Variants in PLRG1 observed in about 807,000 individuals in gnomAD.
The protein encoded by PLRG1 is pleiotropic regulator 1 (PRL1 homolog, Arabidopsis).
Under a neutral mutation model 74.9 loss-of-function variants are expected in PLRG1, and 28 were observed. That is an observed-to-expected ratio of 0.37 (90% CI 0.28 to 0.51). PLRG1 has a LOEUF of 0.51. Among genes scored for constraint, PLRG1 ranks in the 20% least tolerant of loss-of-function variants. The pLI, the probability that PLRG1 is intolerant of heterozygous loss-of-function variation, is 0.91. For missense variants in PLRG1, 445 were observed against 631.9 expected, an observed-to-expected ratio of 0.70 and a Z score of 3.17; for synonymous variants, 197 against 212.4, an observed-to-expected ratio of 0.93 and a Z score of 0.63.
intron 6 of PLRG1, among the ~76,000 whole-genome samples, chr4:154,545,149 T>C (rs751077127): frequency 4.3e-4 from 65 of 152,170 alleles, no homozygotes; most frequent in Non-Finnish European, 5.7e-4. Context: ...GCTTAAATTA[T>C]ACCCTCATAA....
intron 7 of PLRG1, among the ~76,000 whole-genome samples, chr4:154,542,759 T>C (rs1213077437): frequency 6.6e-6 from 1 of 152,178 alleles, no homozygotes; most frequent in African/African-American, 2.4e-5. Context: ...GAAGATACTA[T>C]GTTAAGTGAA....
intron 5 of PLRG1, 42 bp downstream of exon 5, chr4:154,546,081 G>T: frequency 7.9e-7 from 1 of 1,270,986 alleles, no homozygotes; most frequent in African/African-American, 1.5e-5. Context: ...TGTGAACAGT[G>T]AAATATGCTT....
intron 14 of PLRG1, 65 bp downstream of exon 14, chr4:154,537,221 A>T: frequency 1.0e-6 from 1 of 967,998 alleles, no homozygotes; most frequent in East Asian, 2.5e-5. Flanking sequence ...CTGATAATTA[A>T]ATGAGAATAT....
At chr4:154,540,380 G>A in intron 10 of PLRG1, 1 of 586,644 alleles carries the variant, frequency 1.7e-6, no homozygotes, top group African/African-American at 1.9e-5. Context: ...ACATTTCAGG[G>A]GCAGGGCACT....
At chr4:154,537,910 T>C (rs951357016) in intron 13 of PLRG1, 59 bp downstream of exon 13, 12 of 979,858 alleles carry the variant, frequency 1.2e-5, no homozygotes, top group South Asian at 2.0e-5. Flanking sequence ...AAATGTTTAT[T>C]CATCATTAAA....
Position 154,548,918 on chromosome 4 carries a change from A to C in PLRG1, c.27T>G (p.Ser9=). Residue 9 remains serine, a synonymous_variant, in exon 2 of 15, where the codon TCT becomes TCG. Transcript: ENST00000499023. MVEEVQKH[S]VHTLVFRSLK... is the part of the protein sequence containing the mutation. ...ACGACCTGAACACAAGGGTGTGTACAGAATGTTTCTGTACCTCCTAAAAAA... is the reference window on the plus strand; with the variant it reads ...ACGACCTGAACACAAGGGTGTGTACCGAATGTTTCTGTACCTCCTAAAAAA... 1 of 1,598,784 alleles carries C rather than the reference A, an allele frequency of 6.3e-7. No homozygotes were observed.
At position 154,539,174 on chromosome 4, in the gene PLRG1, G is replaced by A; in HGVS notation, c.1082C>T (p.Ala361Val). The A allele has an allele frequency of 2.5e-6, 4 of 1,611,956 alleles. No individual in the cohort carries two copies. The highest frequency in any genetic ancestry group is 3.4e-6 in the Non-Finnish European group (4 of 1,178,208). Residue 361 changes from alanine to valine, a missense_variant, in exon 12 of 15, where the codon GCT becomes GTT. Coordinates refer to ENST00000499023, the MANE Select transcript of PLRG1 (RefSeq NM_002669.4). Reference sequence around the variant, plus strand: ...TGTTAATGTCACTCTTGTTTTTCCAGCCACCAGATCCCATAATCGAATTGT... The same window carrying A: ...TGTTAATGTCACTCTTGTTTTTCCAACCACCAGATCCCATAATCGAATTGT... ...DTTIRLWDLV[A>V]GKTRVTLTNH...
chr4:154,540,382 C>G, intron 10 of PLRG1: 1 of 586,926 alleles, frequency 1.7e-6, no homozygotes, highest in East Asian at 2.8e-5. Flanking sequence ...ATTTCAGGGG[C>G]AGGGCACTAA....
intron 10 of PLRG1, 158 bp from the exon 11 acceptor site, chr4:154,540,211 G>A (rs1025722142): frequency 3.4e-6 from 2 of 593,260 alleles, no homozygotes; most frequent in South Asian, 2.1e-5. Context: ...ACAAACTGGA[G>A]GACGAATATA....
chr4:154,543,119 G>A (rs905531103), intron 7 of PLRG1, among the ~76,000 whole-genome samples: 3 of 152,044 alleles, frequency 2.0e-5, no homozygotes, highest in Non-Finnish European at 2.9e-5. Context: ...CCCAATTACC[G>A]TGATTTGATC....
At position 154,544,529 on chromosome 4, in the gene PLRG1, G is replaced by T; in HGVS notation, c.510C>A (p.Gly170=). Reference sequence around the variant, plus strand: ...CCATCAGTGCAGAGTTCTTGGTATTGCCAGTCTCCATGACAATCTAGACAT... The same window carrying T: ...CCATCAGTGCAGAGTTCTTGGTATTTCCAGTCTCCATGACAATCTAGACAT... ...TAMNSIVMET[G]NTKNSALMAK... is the part of the protein sequence containing the mutation. Residue 170 remains glycine (G), a synonymous_variant, in exon 7 of 15, where the codon GGC becomes GGA. Coordinates refer to ENST00000499023, the MANE Select transcript of PLRG1 (RefSeq NM_002669.4). The T allele has an allele frequency of 3.7e-6, 6 of 1,604,812 alleles. No individual in the cohort carries two copies. Among genetic ancestry groups the T allele is most frequent in the Non-Finnish European group, 5.1e-6 (6 of 1,171,768 alleles).
At position 154,536,251 on chromosome 4, in the gene PLRG1, C is replaced by A; in HGVS notation, c.*434G>T. 6.1e-6 allele frequency: 1 copy of A among 162,830 alleles called. No homozygotes were observed. Among genetic ancestry groups the A allele is most frequent in the Non-Finnish European group, 1.3e-5 (1 of 76,284 alleles). 10.1% of individuals were successfully genotyped at this position (162,830 alleles called of 1,614,324 possible). ...ACTCAAAAACTGTTTTTGGAATAAA[C>A]ATACATAAATTAAGACTTCAAATCT... On this transcript the variant is annotated 3_prime_UTR_variant, in exon 15 of 15. Transcript: ENST00000499023.
Position 154,547,932 on chromosome 4 carries a change from G to A in PLRG1, c.117-79C>T, listed in dbSNP as rs778442432. ...ACTTAGCTTAAGTTTGCCCATTCAC[G>A]TAGAAAAAGTTTCTAGTATGATTTT... On this transcript the variant is annotated intron_variant, in intron 2 of 14. Coordinates refer to ENST00000499023, the MANE Select transcript of PLRG1 (RefSeq NM_002669.4). 261 of 1,062,332 alleles carry A rather than the reference G, an allele frequency of 2.5e-4. 1 individual carries two copies. The highest frequency in any genetic ancestry group is 3.3e-4 in the Non-Finnish European group (248 of 745,292). The allele number at this position is 1,062,332 out of a possible 1,614,324, so 65.8% of individuals were successfully genotyped here.
chr4:154,542,401 AT>A, intron 7 of PLRG1, 122 bp from the exon 8 acceptor site: 2 of 633,764 alleles, frequency 3.2e-6, no homozygotes, highest in Middle Eastern at 2.5e-4. Context: ...TGACTATTAC[AT>A]TTTACAATAA....
chr4:154,547,144 T>G (rs1729673289), intron 3 of PLRG1, 80 bp from the exon 4 acceptor site: 4 of 1,017,834 alleles, frequency 3.9e-6, no homozygotes, highest in Non-Finnish European at 4.6e-6. Context: ...TATCAAGTAA[T>G]ATTAAGTTTT....
intron 8 of PLRG1, among the ~76,000 whole-genome samples, chr4:154,541,436 T>C (rs1729554091): frequency 6.6e-6 from 1 of 152,190 alleles, no homozygotes; most frequent in Admixed American, 6.5e-5. Flanking sequence ...GGAAAGTAAT[T>C]TGTACTTTGG....
At position 154,550,379 on chromosome 4, in the gene PLRG1, C is replaced by G; in HGVS notation, c.-71G>C. 1 of 1,448,620 alleles carries G rather than the reference C, an allele frequency of 6.9e-7. No individual in the cohort carries two copies. The highest frequency in any genetic ancestry group is 1.1e-5 in the South Asian group (1 of 87,632). 89.7% of individuals were successfully genotyped at this position (1,448,620 alleles called of 1,614,324 possible). ...ACTAACGCAGTACCCGCCGCCACAG[C>G]TGTGCAGCACCTTCCGGAATTGGGC... is the stretch of plus-strand genomic sequence containing the variant. On this transcript the variant is annotated 5_prime_UTR_variant, in exon 1 of 15. Coordinates refer to ENST00000499023, the MANE Select transcript of PLRG1 (RefSeq NM_002669.4).
At position 154,545,863 on chromosome 4, in the gene PLRG1, G is replaced by A; in HGVS notation, c.465C>T (p.Asp155=). 6.2e-7 allele frequency: 1 copy of A among 1,611,996 alleles called. No homozygotes were observed. The highest frequency in any genetic ancestry group is 8.5e-7 in the Non-Finnish European group (1 of 1,178,238). Residue 155 remains aspartate, a synonymous_variant, in exon 6 of 15, where the codon GAC becomes GAT. Coordinates refer to ENST00000499023, the MANE Select transcript of PLRG1 (RefSeq NM_002669.4). ...AATTCATCGCTGTAGGCTGTGGACG[G>A]TCAGAAGCCCCAGGATGTCGGTATT... The part of the protein sequence containing the change: ...GSEYRHPGAS[D]RPQPTAMNSI...
intron 1 of PLRG1, 112 bp downstream of exon 1, chr4:154,550,188 C>T (rs1729736820): frequency 9.8e-7 from 1 of 1,016,814 alleles, no homozygotes; most frequent in Admixed American, 1.7e-5. Context: ...AAATAGCTCC[C>T]CTCGTAGCCT....
Sources: gnomAD v4.1 joint callset for allele counts (sites outside exome capture counted in the v4.1 genomes callset) on GRCh38, gnomAD v4.1.1 for gene constraint, MANE v1.5 for transcripts, NCBI Gene and HGNC (gene_info 2026-07-23, HGNC 2026-07-21) for gene names.